Variants in PTPRN2 observed in about 807,000 individuals in gnomAD.
The protein encoded by PTPRN2 is protein tyrosine phosphatase receptor type N2, also known as receptor-type tyrosine-protein phosphatase N2.
Under a neutral mutation model 118.8 loss-of-function variants are expected in PTPRN2, and 74 were observed. The observed-to-expected ratio is 0.62, with a 90% CI of 0.52 to 0.76. PTPRN2 has a LOEUF of 0.76. Among genes scored for constraint, PTPRN2 ranks in the 30% least tolerant of loss-of-function variants. PTPRN2 has a pLI of 0.00. For synonymous variants in PTPRN2, 641 were observed against 608.0 expected (o/e 1.05, Z -0.80); for missense variants, 1,481 against 1,394.4 (o/e 1.06, Z -0.99).
chr7:157,691,852 T>C (rs1210054943), intron 12 of PTPRN2, among the ~76,000 whole-genome samples: 1 of 152,042 alleles, frequency 6.6e-6, no homozygotes, highest in Non-Finnish European at 1.5e-5. Flanking sequence ...CTAGGACCAC[T>C]GAGCACCTCC....
chr7:158,441,539 T>TGATGGTCATGGCAGTGATGGTGATAGC (rs1817217956), intron 2 of PTPRN2, among the ~76,000 whole-genome samples: 1 of 150,256 alleles, frequency 6.7e-6, no homozygotes, highest in African/African-American at 2.5e-5. Context: ...ATGGTAATAG[T>TGATGGTCATGGCAGTGATGGTGATAGC]GATGGTGATG....
intron 3 of PTPRN2, among the ~76,000 whole-genome samples, chr7:158,258,208 A>T (rs1797155116): frequency 6.6e-6 from 1 of 152,072 alleles, no homozygotes; most frequent in African/African-American, 2.4e-5. Context: ...TCCACACACC[A>T]CATTTCCTCC....
At chr7:158,135,168 A>G (rs916643784) in intron 8 of PTPRN2, among the ~76,000 whole-genome samples, 1 of 152,234 alleles carries the variant, frequency 6.6e-6, no homozygotes, top group Non-Finnish European at 1.5e-5. Flanking sequence ...ATTAGATGTA[A>G]ACAGGAAAAT....
intron 9 of PTPRN2, among the ~76,000 whole-genome samples, chr7:158,130,701 A>AACAC (rs60270393): frequency 0.66 from 97,383 of 147,964 alleles, 32,717 homozygotes; most frequent in African/African-American, 0.81. Context: ...ACATCTACCC[A>AACAC]ACACACACTC....
chr7:158,487,541 A>G (rs1821114798), intron 2 of PTPRN2, among the ~76,000 whole-genome samples: 1 of 152,348 alleles, frequency 6.6e-6, no homozygotes, highest in African/African-American at 2.4e-5. Context: ...TTTAAAAAAC[A>G]TATCCAAGCT....
chr7:157,752,461 T>G (rs1319636237), intron 12 of PTPRN2, among the ~76,000 whole-genome samples: 2 of 152,188 alleles, frequency 1.3e-5, no homozygotes, highest in African/African-American at 4.8e-5. Flanking sequence ...AGAGCTCCCC[T>G]GGGGTCGAGC....
In PTPRN2 at chr7:157,545,072, GGT is replaced by G. The variant is rs199762622; in HGVS notation, c.2976+3872_2976+3873del. 8.9e-4 allele frequency among the ~76,000 whole-genome samples: 130 copies of G among 145,458 alleles called. 2 individuals carry two copies. The East Asian group carries it at 0.016, about 18-fold the overall frequency. On this transcript the variant is annotated intron_variant, in intron 22 of 22. Transcript: ENST00000389418. ...TGTGTGGGTGTGTGCAGTGTGCATG[GGT>G]GTGTGTGTGGGTGTGCACCCCGTGG...
At chr7:158,445,798 C>A (rs1469638566) in intron 2 of PTPRN2, among the ~76,000 whole-genome samples, 3 of 152,254 alleles carry the variant, frequency 2.0e-5, no homozygotes, top group Non-Finnish European at 4.4e-5. Context: ...GCTCCCACCT[C>A]CTCCTGTCCC....
chr7:157,633,905 T>C (rs940878007), intron 14 of PTPRN2, among the ~76,000 whole-genome samples: 1 of 152,252 alleles, frequency 6.6e-6, no homozygotes, highest in Non-Finnish European at 1.5e-5. Context: ...TGGTGGTTGA[T>C]GGTGGCGCTT....
chr7:158,462,661 C>T (rs1255055546), intron 2 of PTPRN2, among the ~76,000 whole-genome samples: 2 of 152,168 alleles, frequency 1.3e-5, no homozygotes, highest in African/African-American at 2.4e-5. Flanking sequence ...CACCCTGAGA[C>T]GTGTCATATA....
intron 3 of PTPRN2, among the ~76,000 whole-genome samples, chr7:158,270,923 A>T (rs187157786): frequency 0.012 from 35 of 2,922 alleles, 3 homozygotes; most frequent in South Asian, 0.1. Flanking sequence ...CACCTGGACC[A>T]CCCCCCCCAC....
rs373038069 is a variant in PTPRN2, at chr7:158,178,746, C to T, written c.550-11455G>A. Among the ~76,000 whole-genome samples, 79 of 151,878 alleles carry T rather than the reference C, an allele frequency of 5.2e-4. 1 individual carries two copies. The highest frequency in any genetic ancestry group is 3.4e-3 in the Middle Eastern group (1 of 292). ...CCAAGTAGCTGGGACTACAGGCACC[C>T]GCCACCACGCCTGGCTAATTTTTTG... On this transcript the variant is annotated intron_variant, in intron 5 of 22. Coordinates refer to ENST00000389418, the MANE Select transcript of PTPRN2 (RefSeq NM_002847.5).
rs190367380 is a variant in PTPRN2 at position 158,203,964 on chromosome 7, A to T, written c.380+1207T>A. On this transcript the variant is annotated intron_variant, in intron 4 of 22. Transcript: ENST00000389418. ...GCCCTCAGTGTGCGCCGCGTGCTGAAGTCGCAGCCCCTAACCTCAGTGTGC... is the reference window on the plus strand; with the variant it reads ...GCCCTCAGTGTGCGCCGCGTGCTGATGTCGCAGCCCCTAACCTCAGTGTGC... 5.3e-3 allele frequency among the ~76,000 whole-genome samples: 742 copies of T among 139,036 alleles called. 5 individuals carry two copies. The highest frequency in any genetic ancestry group is 0.019 in the African/African-American group (700 of 37,160). 91.2% of individuals were successfully genotyped at this position (139,036 alleles called of 152,430 possible). A position where few individuals can be genotyped will look rare whatever the true frequency, so the allele number is the denominator to read the frequency against.
intron 3 of PTPRN2, among the ~76,000 whole-genome samples, chr7:158,293,543 T>C (rs1800256728): frequency 6.6e-6 from 1 of 151,908 alleles, no homozygotes; most frequent in African/African-American, 2.4e-5. Context: ...ACCACTGTTC[T>C]CCAGCCTAGG....
intron 5 of PTPRN2, among the ~76,000 whole-genome samples, chr7:158,186,700 G>T (rs980033857): frequency 2.7e-5 from 4 of 150,556 alleles, no homozygotes; most frequent in African/African-American, 9.8e-5. Flanking sequence ...TCAGAAGCCC[G>T]CCTGGGCCAC....
At chr7:158,486,383 A>G (rs1342440042) in intron 2 of PTPRN2, among the ~76,000 whole-genome samples, 1 of 152,252 alleles carries the variant, frequency 6.6e-6, no homozygotes, top group Non-Finnish European at 1.5e-5. Context: ...TTTAGGACAT[A>G]CCACCTGTGT....
At chr7:157,851,492 G>A (rs956679575) in intron 12 of PTPRN2, among the ~76,000 whole-genome samples, 1 of 152,114 alleles carries the variant, frequency 6.6e-6, no homozygotes, top group African/African-American at 2.4e-5. Flanking sequence ...CTGAGGTTCC[G>A]GGCACAGAAC....
At chr7:158,331,530 C>A (rs55655332) in intron 2 of PTPRN2, among the ~76,000 whole-genome samples, 21 of 92,774 alleles carry the variant, frequency 2.3e-4, no homozygotes, top group East Asian at 1.5e-3. Context: ...CTCACACCCA[C>A]ACTGTCACCA....
At chr7:157,688,136 T>C (rs867565224) in intron 12 of PTPRN2, among the ~76,000 whole-genome samples, 3 of 152,172 alleles carry the variant, frequency 2.0e-5, no homozygotes, top group Admixed American at 6.5e-5. Context: ...CAAGGAAAAA[T>C]TATTCTTAAA....
Sources: gnomAD v4.1 joint callset for allele counts (sites outside exome capture counted in the v4.1 genomes callset) on GRCh38, gnomAD v4.1.1 for gene constraint, MANE v1.5 for transcripts, NCBI Gene and HGNC (gene_info 2026-07-23, HGNC 2026-07-21) for gene names.